Variants in MYO5B observed in about 807,000 individuals in gnomAD.
The protein encoded by MYO5B is myosin VB.
A neutral mutation model predicts 229.3 loss-of-function variants in MYO5B; 143 were observed. That is an observed-to-expected ratio of 0.62 (90% CI 0.54 to 0.72). The LOEUF is 0.72. MYO5B is among the 30% of genes least tolerant of loss of function. The probability of loss-of-function intolerance (pLI) is 0.00; values close to 1 mark genes in which losing one functional copy is unlikely to be tolerated. For missense variants in MYO5B, 2,321 were observed against 2,331.0 expected (o/e 1.00, Z 0.09); for synonymous variants, 918 against 885.2 (o/e 1.04, Z -0.66).
chr18:49,967,215 C>T (rs1208922562), intron 10 of MYO5B, among the ~76,000 whole-genome samples: 1 of 152,170 alleles, frequency 6.6e-6, no homozygotes. Context: ...GAAAAGTATA[C>T]AATTTCCTTC....
intron 14 of MYO5B, among the ~76,000 whole-genome samples, chr18:49,943,369 A>T (rs917410477): frequency 3.9e-5 from 6 of 152,024 alleles, no homozygotes; most frequent in East Asian, 1.9e-4. Context: ...TAAAAAAAAA[A>T]TTTTCCTCCC....
intron 1 of MYO5B, among the ~76,000 whole-genome samples, chr18:50,078,271 G>A (rs2031134759): frequency 6.6e-6 from 1 of 152,192 alleles, no homozygotes; most frequent in Non-Finnish European, 1.5e-5. Flanking sequence ...CATCCTGGGA[G>A]TAGATTAGGT....
chr18:49,839,014 T>TG, intron 36 of MYO5B, 130 bp downstream of exon 36: 1 of 1,139,158 alleles, frequency 8.8e-7, no homozygotes, highest in Non-Finnish European at 1.3e-6. Context: ...CTGCCTTCAC[T>TG]GGAAGGTTCT....
At chr18:49,865,772 G>A (rs1453426124) in intron 27 of MYO5B, among the ~76,000 whole-genome samples, 2 of 152,220 alleles carry the variant, frequency 1.3e-5, no homozygotes, top group Non-Finnish European at 2.9e-5. Context: ...CTACTCAGCT[G>A]TGAGATTGTG....
Position 49,904,774 on chromosome 18 carries a change from G to A in MYO5B, c.2469C>T (p.Tyr823=). The change falls in exon 20 of 40, where the codon TAC becomes TAT. Residue 823 remains tyrosine (Y), a synonymous_variant. Coordinates refer to ENST00000285039, the MANE Select transcript of MYO5B (RefSeq NM_001080467.3). The part of the protein sequence containing the change: ...IRAAVVLQKH[Y]RMQRARQAYQ... ...AGGCCTGGCGGGCCCTCTGCATGCG[G>A]TAATGTTTCTGGAGCACCACAGCCG... The A allele has an allele frequency of 6.2e-7, 1 of 1,614,002 alleles. No individual in the cohort carries two copies. The highest frequency in any genetic ancestry group is 8.5e-7 in the Non-Finnish European group (1 of 1,180,030).
At chr18:50,036,428 A>T (rs968298905) in intron 4 of MYO5B, among the ~76,000 whole-genome samples, 2 of 152,220 alleles carry the variant, frequency 1.3e-5, no homozygotes, top group African/African-American at 4.8e-5. Context: ...GCATCCCAAG[A>T]AGTTGTCAAA....
intron 22 of MYO5B, among the ~76,000 whole-genome samples, chr18:49,880,849 G>A (rs1263874505): frequency 6.6e-6 from 1 of 152,164 alleles, no homozygotes; most frequent in Admixed American, 6.5e-5. Flanking sequence ...CAGGATGTGG[G>A]CAAACTCACA....
intron 1 of MYO5B, among the ~76,000 whole-genome samples, chr18:50,126,885 T>C (rs1305297987): frequency 6.6e-6 from 1 of 152,250 alleles, no homozygotes; most frequent in African/African-American, 2.4e-5. Flanking sequence ...CAGCATCTCA[T>C]TGTAAAATAG....
intron 1 of MYO5B, among the ~76,000 whole-genome samples, chr18:50,093,350 A>T (rs1388953437): frequency 6.6e-6 from 1 of 152,194 alleles, no homozygotes. Flanking sequence ...CAGTCATGCC[A>T]AGTCTAGAAG....
At chr18:50,183,990 G>A (rs189765044) in intron 1 of MYO5B, among the ~76,000 whole-genome samples, 146 of 152,328 alleles carry the variant, frequency 9.6e-4, no homozygotes, top group African/African-American at 3.3e-3. Flanking sequence ...AGCCTTGCCA[G>A]AAGCCAGGGC....
intron 4 of MYO5B, among the ~76,000 whole-genome samples, chr18:50,019,297 G>A (rs1386404957): frequency 6.6e-6 from 1 of 152,150 alleles, no homozygotes; most frequent in Non-Finnish European, 1.5e-5. Context: ...TAACGACTAA[G>A]CCACAGTGAG....
Position 49,906,518 on chromosome 18 carries a change from T to G in MYO5B, c.2315A>C (p.Gln772Pro). 1.9e-6 allele frequency: 3 copies of G among 1,614,190 alleles called. No homozygotes were observed. Among genetic ancestry groups the G allele is most frequent in the Non-Finnish European group, 2.5e-6 (3 of 1,180,048 alleles). ...CTGCAGCCATCCCCGGACAGTTTTCTGGATCATGATGGTGGCTGTCCGGAA... is the reference window on the plus strand; with the variant it reads ...CTGCAGCCATCCCCGGACAGTTTTCGGGATCATGATGGTGGCTGTCCGGAA... ...DKFRTATIMI[Q>P]KTVRGWLQKV... The change falls in exon 19 of 40, where the codon CAG (glutamine) becomes CCG (proline). Residue 772 changes from glutamine (Q) to proline (P), a missense_variant. Gln to Pro is a moderately conservative substitution (Grantham distance 76). This residue lies in a region of MYO5B where 2,113 missense variants were observed against 2,044.7 expected (regional missense o/e 1.03). Coordinates refer to ENST00000285039, the MANE Select transcript of MYO5B (RefSeq NM_001080467.3).
intron 1 of MYO5B, chr18:50,097,348 T>C (rs1172012043): frequency 6.7e-6 from 3 of 446,910 alleles, no homozygotes; most frequent in East Asian, 1.4e-4. Context: ...TGCCTTACCA[T>C]TCTTTTGATT....
chr18:49,843,349 G>A lies in MYO5B; in HGVS notation c.4503C>T (p.Pro1501=), dbSNP rs779743243. The A allele has an allele frequency of 4.0e-5, 64 of 1,614,034 alleles. No homozygotes were observed. The Middle Eastern group carries it at 8.2e-4, about 21-fold the overall frequency. ...QMLSGTVPCL[P]AYILYMCIRH... ...GGATGCACATGTAGAGGATGTAGGC[G>A]GGGAGACAGGGCACTGTGCCCGACA... is the stretch of plus-strand genomic sequence containing the variant. The change falls in exon 34 of 40, where the codon CCC becomes CCT. Residue 1501 remains proline (P), a synonymous_variant. Transcript: ENST00000285039.
intron 9 of MYO5B, among the ~76,000 whole-genome samples, chr18:49,978,609 G>C (rs961525371): frequency 1.3e-5 from 2 of 151,758 alleles, no homozygotes; most frequent in Non-Finnish European, 2.9e-5. Context: ...CACAATAGAT[G>C]CTGGTGATAG....
intron 1 of MYO5B, among the ~76,000 whole-genome samples, chr18:50,090,799 T>TG (rs1248626054): frequency 1.3e-5 from 2 of 152,086 alleles, no homozygotes; most frequent in African/African-American, 4.8e-5. Flanking sequence ...AGAGCCTCAT[T>TG]GTATCACCAC....
At chr18:50,052,377 A>G (rs1235744188) in intron 2 of MYO5B, among the ~76,000 whole-genome samples, 2 of 148,176 alleles carry the variant, frequency 1.3e-5, no homozygotes, top group Admixed American at 6.7e-5. Context: ...ATGCAGCCAT[A>G]AAAAATGATG....
intron 5 of MYO5B, among the ~76,000 whole-genome samples, chr18:49,998,040 G>A (rs567631317): frequency 2.0e-5 from 3 of 152,078 alleles, no homozygotes; most frequent in East Asian, 1.9e-4. Context: ...AGATAGAGTC[G>A]ACTTACGAAA....
intron 3 of MYO5B, among the ~76,000 whole-genome samples, chr18:50,038,392 CA>C (rs891837158): frequency 2.6e-5 from 4 of 152,088 alleles, no homozygotes; most frequent in African/African-American, 9.7e-5. Flanking sequence ...GGGAAAGGGC[CA>C]GGGGGTAAAA....
Sources: gnomAD v4.1 joint callset for allele counts (sites outside exome capture counted in the v4.1 genomes callset) on GRCh38, gnomAD v4.1.1 for gene constraint, gnomAD v4.1.1 regional missense constraint, MANE v1.5 for transcripts, NCBI Gene and HGNC (gene_info 2026-07-23, HGNC 2026-07-21) for gene names.